Variants in HELZ2 observed in about 807,000 individuals in gnomAD.
HELZ2 encodes the protein 3'-5' exoribonuclease HELZ2.
In HELZ2, 143 loss-of-function variants were observed where a neutral mutation model predicts 208.8. The ratio of observed to expected loss-of-function variants is 0.68; its 90% CI spans 0.60 to 0.79. The LOEUF (loss-of-function observed/expected upper bound fraction) is 0.79, where lower values mean the gene tolerates loss of function less well. Ranked by LOEUF, HELZ2 falls within the 30% of genes least tolerant of loss-of-function variation. The pLI is 0.00. For synonymous variants in HELZ2, 1,705 were observed against 1,693.7 expected, an observed-to-expected ratio of 1.01 and a Z score of -0.16; for missense variants, 3,690 against 3,794.5, an observed-to-expected ratio of 0.97 and a Z score of 0.72.
In HELZ2 at chr20:63,565,689, C is replaced by G. The variant is rs755484617; in HGVS notation, c.3133G>C (p.Ala1045Pro). 3 of 1,608,640 alleles carry G rather than the reference C, an allele frequency of 1.9e-6. No individual in the cohort carries two copies. The South Asian group carries it at 3.3e-5, about 18-fold the overall frequency. ...TCCGTGGACTCCACGCCCGCTGCAG[C>G]AGCCGCTCCTGCCGCACAGGCCCCG... The change falls in exon 8 of 19, where the codon GCT becomes CCT. Residue 1045 changes from alanine to proline, a missense_variant. By Grantham distance (27) the Ala-to-Pro change is conservative (BLOSUM62 -1). Transcript: ENST00000467148.
At chr20:63,564,781 G>C in exon 8 of HELZ2, 1 of 1,611,904 alleles carries the variant, frequency 6.2e-7, no homozygotes, top group South Asian at 1.1e-5. Flanking sequence ...AGGCGCCCTG[G>C]GGGTCCACAG....
intron 6 of HELZ2, 29 bp downstream of exon 7, chr20:63,566,814 CG>C: frequency 6.4e-7 from 1 of 1,560,112 alleles, no homozygotes. Flanking sequence ...GGGGTGCGGT[CG>C]GGGGCTGTCC....
At position 63,569,175 on chromosome 20, in the gene HELZ2, T is replaced by G. The variant is rs538914755; in HGVS notation, c.1061A>C (p.Glu354Ala). The change falls in exon 4 of 19, where the codon GAG becomes GCG. Residue 354 changes from glutamate to alanine, a missense_variant. Around this residue, in one of 3 missense-constraint regions of HELZ2, gnomAD observed 1,119 missense variants for 1,193.4 expected, o/e 0.94. Transcript: ENST00000467148. ...GGCCACCAGCTGCTGCTGAGCCGCC[T>G]CCTCCTCATAGAGAAACTGGTGCAT... The G allele has an allele frequency of 8.4e-6, 13 of 1,549,802 alleles. No homozygotes were observed. The East Asian group carries it at 1.4e-4, about 16-fold the overall frequency.
exon 8 of HELZ2, chr20:63,565,384 C>T (rs532452144): frequency 9.9e-6 from 16 of 1,609,342 alleles, no homozygotes; most frequent in South Asian, 2.2e-5. Context: ...CATCGTCCAG[C>T]GGGATGGCTG....
Position 63,569,644 on chromosome 20 carries a change from G to A in HELZ2, c.592C>T (p.Leu198=), listed in dbSNP as rs530545148. 5.8e-6 allele frequency: 9 copies of A among 1,540,308 alleles called. No homozygotes were observed. In the African/African-American group the frequency reaches 1.1e-4, roughly 19 times the overall value. ...TCGGCTCCTGGCTCCTGCTTCAGCAGGGCCACGTGTAGCAGGGGCTCCTGG... is the reference window on the plus strand; with the variant it reads ...TCGGCTCCTGGCTCCTGCTTCAGCAAGGCCACGTGTAGCAGGGGCTCCTGG... Residue 198 remains leucine, a synonymous_variant, in exon 4 of 19, where the codon CTG becomes TTG. Coordinates refer to ENST00000467148, the Ensembl canonical transcript of HELZ2.
upstream of HELZ2, chr20:63,573,347 C>T (rs2083031798): frequency 6.6e-6 from 1 of 152,294 alleles, no homozygotes; most frequent in African/African-American, 2.4e-5. This position sits in a 1 kb window ranked among gnomAD's most constrained non-coding sequence, Gnocchi z 4.9. Context: ...AAGCAGAGGC[C>T]TCTCCACCAA....
chr20:63,568,152 C>T, intron 5 of HELZ2: 1 of 591,702 alleles, frequency 1.7e-6, no homozygotes, highest in Non-Finnish European at 3.0e-6. Context: ...AGGGCCCCGG[C>T]AGAGGCACCC....
chr20:63,563,765 T>A (rs950841761), exon 8 of HELZ2: 5 of 1,603,364 alleles, frequency 3.1e-6, no homozygotes, highest in Non-Finnish European at 4.2e-6. Flanking sequence ...CAGCAGGATC[T>A]GCCGCTGCAA....
At position 63,560,342 on chromosome 20, in the gene HELZ2, G is replaced by A. The variant is rs1467161063; in HGVS notation, c.7501-15C>T. On this transcript the variant is annotated splice_polypyrimidine_tract_variant and intron_variant, in intron 16 of 18. Transcript: ENST00000467148. ...GTGATACGGACCTGAGGAGCCGAGG[G>A]GGCAGGTGGAGCGGACCCTGGTGTC... 1 of 1,555,096 alleles carries A rather than the reference G, an allele frequency of 6.4e-7. No individual in the cohort carries two copies. The highest frequency in any genetic ancestry group is 8.7e-7 in the Non-Finnish European group (1 of 1,154,792).
At chr20:63,569,091 C>T in intron 4 of HELZ2, 57 bp downstream of exon 5, 1 of 1,584,320 alleles carries the variant, frequency 6.3e-7, no homozygotes, top group Non-Finnish European at 8.6e-7. Context: ...GCCCCAGCCG[C>T]TCCCATTGCC....
chr20:63,565,604 G>A, exon 8 of HELZ2: 16 of 1,610,080 alleles, frequency 9.9e-6, no homozygotes, highest in African/African-American at 1.3e-5. Flanking sequence ...CCGTAGGATG[G>A]CGTCGTCAGC....
chr20:63,566,054 GC>G lies in HELZ2; in HGVS notation c.2767del (p.Ala923ProfsTer59). 4 of 1,588,934 alleles carry G rather than the reference GC, an allele frequency of 2.5e-6. No individual in the cohort carries two copies. Among genetic ancestry groups the G allele is most frequent in the Non-Finnish European group, 1.7e-6 (2 of 1,173,312 alleles). On this transcript the variant is annotated frameshift_variant, in exon 8 of 19. Transcript: ENST00000467148. LOFTEE classifies it high-confidence loss of function. ...GAAGCTCTCCCAGAGCTTGCCGCAG[GC>G]CCCGAAGGAGCAGAGGGCCACGGCG...
exon 17 of HELZ2, chr20:63,560,196 G>C (rs557476909): frequency 1.4e-6 from 2 of 1,431,798 alleles, no homozygotes; most frequent in Non-Finnish European, 9.3e-7. Flanking sequence ...TGGAGGACAC[G>C]GCCACCCCGG....
At chr20:63,560,527 G>A (rs773829589) in exon 16 of HELZ2, 43 of 1,612,774 alleles carry the variant, frequency 2.7e-5, no homozygotes, top group African/African-American at 6.7e-5. Context: ...CATTCCCTTC[G>A]TCCGTGGACA....
chr20:63,558,372 T>TGGGGG (rs1210628735), downstream of HELZ2: 1 of 9,340 alleles, frequency 1.1e-4, no homozygotes, highest in African/African-American at 4.2e-4. Flanking sequence ...TTTCAGAGGG[T>TGGGGG]GGGGTGGGGT....
At chr20:63,567,780 G>A (rs1158900680) in intron 5 of HELZ2, 153 bp from the exon 7 acceptor site, 7 of 1,446,504 alleles carry the variant, frequency 4.8e-6, no homozygotes, top group Non-Finnish European at 6.4e-6. Context: ...CCTCCTGTCA[G>A]GAGTCCAAGG....
rs1420022860 is a variant in HELZ2, at chr20:63,568,134, C to T, written c.1730+224G>A. Reference sequence around the variant, plus strand: ...CTGCAGCCTTCCCCGTGACACTCTCCTTGGGCCAGGGCCCCGGCAGAGGCA... The same window carrying T: ...CTGCAGCCTTCCCCGTGACACTCTCTTTGGGCCAGGGCCCCGGCAGAGGCA... On this transcript the variant is annotated intron_variant, in intron 5 of 18. Coordinates refer to ENST00000467148, the Ensembl canonical transcript of HELZ2. 1.5e-5 allele frequency: 9 copies of T among 585,844 alleles called. No individual in the cohort carries two copies. The East Asian group carries it at 2.0e-4, about 13-fold the overall frequency. 36.3% of individuals were successfully genotyped at this position (585,844 alleles called of 1,614,324 possible). A position where few individuals can be genotyped will look rare whatever the true frequency, so the allele number is the denominator to read the frequency against.
In HELZ2 at chr20:63,562,876, C is replaced by T. The variant is rs201823823; in HGVS notation, c.5946G>A (p.Gln1982=). 29 of 1,605,254 alleles carry T rather than the reference C, an allele frequency of 1.8e-5. No individual in the cohort carries two copies. In the Admixed American group the frequency reaches 3.6e-4, roughly 20 times the overall value. ...CCTCCAGGCGGAAGGCGCCCTGCAGCTGCCCCTGCGGCGTCCGTGACGCCT... is the reference window on the plus strand; with the variant it reads ...CCTCCAGGCGGAAGGCGCCCTGCAGTTGCCCCTGCGGCGTCCGTGACGCCT... The change falls in exon 8 of 19, where the codon CAG becomes CAA. Residue 1982 remains glutamine (Q), a synonymous_variant. Transcript: ENST00000467148.
At chr20:63,564,591 G>A (rs1344910949) in exon 8 of HELZ2, 1 of 1,566,678 alleles carries the variant, frequency 6.4e-7, no homozygotes, top group Non-Finnish European at 8.6e-7. Flanking sequence ...TCCTGGCAGA[G>A]GCTGGCCGGC....
Sources: allele counts gnomAD v4.1 joint callset, GRCh38; gene constraint gnomAD v4.1.1; regional missense constraint gnomAD v4.1.1; non-coding constraint Gnocchi (gnomAD v3.1); transcripts MANE v1.5; gene names NCBI Gene and HGNC (gene_info 2026-07-23, HGNC 2026-07-21).